The following KIF4A variants were observed in gnomAD, a reference collection of about 807,000 sequenced individuals.
KIF4A encodes kinesin family member 4A, also known as chromosome-associated kinesin KIF4A.
A neutral mutation model predicts 105.9 loss-of-function variants in KIF4A; 7 were observed. The observed-to-expected ratio is 0.07, with a 90% confidence interval of 0.04 to 0.12. The LOEUF (loss-of-function observed/expected upper bound fraction) is 0.12, where lower values mean the gene tolerates loss of function less well. Ranked by LOEUF, KIF4A falls within the 10% of genes least tolerant of loss-of-function variation. The pLI is 1.00. For missense variants in KIF4A, 558 were observed against 929.2 expected (o/e 0.60, Z 5.19); for synonymous variants, 281 against 331.3 (o/e 0.85, Z 1.65).
At chrX:70,349,008 G>GAT (rs2086007286) in intron 13 of KIF4A, among the ~76,000 whole-genome samples, 1 of 98,789 alleles carries the variant, frequency 1.0e-5, no homozygotes, top group Admixed American at 1.1e-4. Flanking sequence ...CCTCCCAGAC[G>GAT]GGGCGGCCGG....
intron 10 of KIF4A, among the ~76,000 whole-genome samples, chrX:70,338,560 G>T: frequency 8.9e-6 from 1 of 111,943 alleles, no homozygotes; most frequent in African/African-American, 3.2e-5. Flanking sequence ...ATGGAGGTTT[G>T]GGTTGTTTCC....
intron 15 of KIF4A, chrX:70,362,465 C>G (rs2086080219): frequency 7.6e-6 from 1 of 131,182 alleles, no homozygotes; most frequent in African/African-American, 3.2e-5. Flanking sequence ...AGTAAGAGAT[C>G]TAGTCTTTTT....
At chrX:70,294,123 A>AT (rs1165273464) in intron 3 of KIF4A, among the ~76,000 whole-genome samples, 1 of 112,088 alleles carries the variant, frequency 8.9e-6, no homozygotes, top group Non-Finnish European at 1.9e-5. Context: ...AAAAAAATAT[A>AT]TTTTTTTACT....
At chrX:70,309,652 T>C (rs2085840991) in intron 7 of KIF4A, among the ~76,000 whole-genome samples, 1 of 112,733 alleles carries the variant, frequency 8.9e-6, no homozygotes, top group Admixed American at 9.4e-5. Flanking sequence ...CTTTGATATA[T>C]GCATAAATTG....
At chrX:70,387,362 C>CTT (rs372291027) in intron 20 of KIF4A, 65 bp downstream of exon 20, 316 of 662,711 alleles carry the variant, frequency 4.8e-4, no homozygotes, top group Middle Eastern at 6.8e-4. Context: ...GGAGAAATAG[C>CTT]TTTTTTTTTT....
Position 70,402,620 on chromosome X carries a change from C to G in KIF4A, c.2544C>G (p.Asp848Glu), listed in dbSNP as rs1397870709. Residue 848 changes from aspartate (D) to glutamate (E), a missense_variant, in exon 23 of 31, where the codon GAC (aspartate) becomes GAG (glutamate). By Grantham distance (45) the Asp-to-Glu change is conservative (BLOSUM62 2). This residue lies in a region of KIF4A where 469 missense variants were observed against 680.4 expected (regional missense o/e 0.69). Transcript: ENST00000374403. ...QQKLLDAESE[D>E]RPKQRWENIA... ...AGCTGCTGGATGCAGAAAGTGAAGACAGACCAAAACAACGCTGGGAGAATA... is the reference window on the plus strand; with the variant it reads ...AGCTGCTGGATGCAGAAAGTGAAGAGAGACCAAAACAACGCTGGGAGAATA... 8.3e-7 allele frequency: 1 copy of G among 1,210,338 alleles called. No individual in the cohort carries two copies. Among genetic ancestry groups the G allele is most frequent in the African/African-American group, 1.7e-5 (1 of 57,406 alleles).
intron 7 of KIF4A, among the ~76,000 whole-genome samples, chrX:70,311,290 G>GT (rs2085848847): frequency 9.0e-6 from 1 of 111,326 alleles, no homozygotes; most frequent in East Asian, 2.8e-4. Flanking sequence ...TATATCTTCT[G>GT]TTTTTTCTAT....
intron 28 of KIF4A, among the ~76,000 whole-genome samples, chrX:70,410,111 C>T (rs987738389): frequency 8.9e-6 from 1 of 112,212 alleles, no homozygotes; most frequent in Non-Finnish European, 1.9e-5. Context: ...AGCATAAAAT[C>T]TGGTTTCTCT....
intron 15 of KIF4A, among the ~76,000 whole-genome samples, chrX:70,360,021 C>T (rs1369701210): frequency 2.7e-5 from 3 of 111,184 alleles, no homozygotes; most frequent in African/African-American, 6.6e-5. Context: ...TTAACAAATA[C>T]GAGGCTCTTG....
At chrX:70,404,858 C>T (rs2086294469) in intron 25 of KIF4A, 36 bp downstream of exon 25, 1 of 925,660 alleles carries the variant, frequency 1.1e-6, no homozygotes, top group Non-Finnish European at 1.5e-6. Flanking sequence ...ATGAGTTTCA[C>T]AGTACTAACT....
chrX:70,389,179 C>CT (rs2086228885), intron 20 of KIF4A, among the ~76,000 whole-genome samples: 1 of 111,738 alleles, frequency 8.9e-6, no homozygotes, highest in African/African-American at 3.3e-5. Context: ...TCGCTTGAGA[C>CT]TGGGAGGTCA....
intron 28 of KIF4A, among the ~76,000 whole-genome samples, chrX:70,415,691 AG>A (rs2147743888): frequency 9.2e-6 from 1 of 108,560 alleles, no homozygotes; most frequent in South Asian, 4.1e-4. Context: ...ATCCCTGGAA[AG>A]GGGGAGGCAA....
At chrX:70,379,275 G>A (rs2147725172) in intron 18 of KIF4A, among the ~76,000 whole-genome samples, 1 of 111,947 alleles carries the variant, frequency 8.9e-6, no homozygotes, top group Non-Finnish European at 1.9e-5. Context: ...GGATTATAAG[G>A]AATTACTATT....
intron 20 of KIF4A, among the ~76,000 whole-genome samples, chrX:70,392,038 T>C (rs1246340947): frequency 8.9e-6 from 1 of 111,952 alleles, no homozygotes; most frequent in South Asian, 3.7e-4. Flanking sequence ...ATCATCCTTT[T>C]TATGTATTAT....
intron 18 of KIF4A, among the ~76,000 whole-genome samples, chrX:70,379,341 A>T (rs917849943): frequency 9.0e-6 from 1 of 111,686 alleles, no homozygotes. Flanking sequence ...AATGCCTGGA[A>T]AGACAAAAAC....
Position 70,407,057 on chromosome X carries a change from C to T in KIF4A, c.3237C>T (p.Ser1079=). The stretch of plus-strand genomic sequence containing the variant: ...AGCCAACAAAATTAGTTAAGGTGTC[C>T]AGGAAGAACATCCAAGGGGTAGGAG... The part of the protein sequence containing the change: ...EWKPTKLVKV[S]RKNIQGCSCK... The change falls in exon 28 of 31, where the codon TCC becomes TCT. Residue 1079 remains serine (S), a synonymous_variant. Coordinates refer to ENST00000374403, the MANE Select transcript of KIF4A (RefSeq NM_012310.5). 3.3e-6 allele frequency: 4 copies of T among 1,194,543 alleles called. No individual in the cohort carries two copies. Among genetic ancestry groups the T allele is most frequent in the Non-Finnish European group, 4.5e-6 (4 of 886,324 alleles).
chrX:70,405,045 A>G (rs1001250429), intron 25 of KIF4A, among the ~76,000 whole-genome samples: 3 of 111,418 alleles, frequency 2.7e-5, no homozygotes, highest in African/African-American at 9.8e-5. Flanking sequence ...ATGGCAGCAC[A>G]TACTCCATAT....
intron 14 of KIF4A, 46 bp downstream of exon 14, chrX:70,352,702 G>T: frequency 1.1e-6 from 1 of 888,502 alleles, no homozygotes; most frequent in Non-Finnish European, 1.6e-6. Context: ...TCTAACTGCC[G>T]TTTCCTATAA....
At chrX:70,409,317 G>A (rs1186455705) in intron 28 of KIF4A, among the ~76,000 whole-genome samples, 1 of 112,277 alleles carries the variant, frequency 8.9e-6, no homozygotes, top group Non-Finnish European at 1.9e-5. Flanking sequence ...ATATTCCTAA[G>A]ACTTGAAGAT....
Sources: gnomAD v4.1 joint callset for allele counts (sites outside exome capture counted in the v4.1 genomes callset) on GRCh38, gnomAD v4.1.1 for gene constraint, gnomAD v4.1.1 regional missense constraint, MANE v1.5 for transcripts, NCBI Gene and HGNC (gene_info 2026-07-23, HGNC 2026-07-21) for gene names.